PPP6R2: variants seen among roughly 807,000 people sequenced by gnomAD.
PPP6R2 encodes the protein protein phosphatase 6 regulatory subunit 2, also known as serine/threonine-protein phosphatase 6 regulatory subunit 2.
PPP6R2 carries 62 observed loss-of-function variants against 100.2 expected under a neutral mutation model. That is an observed-to-expected ratio of 0.62 (90% CI 0.50 to 0.76). PPP6R2 has a LOEUF of 0.76. Among genes scored for constraint, PPP6R2 ranks in the 30% least tolerant of loss-of-function variants. The pLI, the probability that PPP6R2 is intolerant of heterozygous loss-of-function variation, is 0.00. For synonymous variants in PPP6R2, 525 were observed against 514.7 expected, an observed-to-expected ratio of 1.02 and a Z score of -0.27; for missense variants, 1,142 against 1,276.3, an observed-to-expected ratio of 0.89 and a Z score of 1.60.
chr22:50,417,349 C>A (rs1426216166), intron 6 of PPP6R2, among the ~76,000 whole-genome samples: 1 of 152,122 alleles, frequency 6.6e-6, no homozygotes, highest in Non-Finnish European at 1.5e-5. Flanking sequence ...CCAGCCCACA[C>A]TAAAAGAGAT....
At position 50,351,596 on chromosome 22, in the gene PPP6R2, C is replaced by T. The variant is rs571937037; in HGVS notation, c.-148+8046C>T. ...TCCTAGCTGGATCTTCCAGATCTAG[C>T]GACAACTTCTATATCAGCATTTGCT... On this transcript the variant is annotated intron_variant, in intron 1 of 23. Transcript: ENST00000612753. Among the ~76,000 whole-genome samples the T allele has an allele frequency of 6.8e-4, 104 of 151,998 alleles. 1 individual carries two copies. The South Asian group carries it at 0.018, about 26-fold the overall frequency.
the PPP6R2 span, among the ~76,000 whole-genome samples, chr22:50,335,898 G>A: frequency 1.0e-4 from 15 of 144,218 alleles, no homozygotes; most frequent in South Asian, 2.3e-4. Flanking sequence ...GGCTGGTCTC[G>A]AGCTCCTGAC....
At chr22:50,355,631 C>G (rs1243868881) in intron 1 of PPP6R2, among the ~76,000 whole-genome samples, 1 of 151,408 alleles carries the variant, frequency 6.6e-6, no homozygotes, top group African/African-American at 2.4e-5. Flanking sequence ...CGCCATTCTC[C>G]TGCCTCAGCC....
In PPP6R2 at chr22:50,431,347, G is replaced by A. The variant is rs35376907; in HGVS notation, c.1300G>A (p.Ala434Thr). ...CCGGAGCCTGGAGACTCCCCAGCCG[G>A]CCGCCAGCCTCCCTGACAACACAAT... is the stretch of plus-strand genomic sequence containing the variant. ...GNRSLETPQP[A>T]ASLPDNTMVT... is the part of the protein sequence containing the mutation. Residue 434 changes from alanine (A) to threonine (T), a missense_variant, in exon 11 of 24, where the codon GCC becomes ACC. This residue lies in a region of PPP6R2 where 592 missense variants were observed against 758.9 expected (regional missense o/e 0.78). Transcript: ENST00000612753. The surrounding 1 kb of genome is among the most constrained non-coding windows in gnomAD (Gnocchi z 4.8). The A allele has an allele frequency of 2.5e-6, 4 of 1,612,822 alleles. No individual in the cohort carries two copies. Among genetic ancestry groups the A allele is most frequent in the Non-Finnish European group, 3.4e-6 (4 of 1,179,972 alleles).
At chr22:50,442,113 G>C (rs1341547402) in intron 22 of PPP6R2, among the ~76,000 whole-genome samples, 1 of 152,190 alleles carries the variant, frequency 6.6e-6, no homozygotes, top group Admixed American at 6.5e-5. Context: ...CTGGAGCGGG[G>C]TGAGGGTGTC....
intron 21 of PPP6R2, 36 bp from the exon 22 acceptor site, chr22:50,440,786 T>C (rs1157919507): frequency 1.2e-6 from 2 of 1,606,950 alleles, no homozygotes; most frequent in East Asian, 2.2e-5. Context: ...TGACCCCTCC[T>C]GCCTCACTGG....
intron 5 of PPP6R2, 60 bp from the exon 6 acceptor site, chr22:50,416,032 G>T (rs949638657): frequency 2.0e-6 from 3 of 1,484,784 alleles, no homozygotes; most frequent in Non-Finnish European, 1.9e-6. Context: ...AAGGGGAAAG[G>T]TTCCTGTTGT....
At chr22:50,335,359 A>G in the PPP6R2 span, among the ~76,000 whole-genome samples, 4 of 147,050 alleles carry the variant, frequency 2.7e-5, no homozygotes, top group Non-Finnish European at 6.0e-5. Context: ...CACCGCGCCC[A>G]GCCATAATTT....
intron 3 of PPP6R2, among the ~76,000 whole-genome samples, chr22:50,398,038 T>G (rs1357619310): frequency 1.3e-5 from 2 of 152,098 alleles, no homozygotes; most frequent in Non-Finnish European, 2.9e-5. Context: ...ATCACTTGTA[T>G]AAAAAACATG....
In PPP6R2 at chr22:50,419,386, G is replaced by C. The variant is rs1430375376; in HGVS notation, c.769G>C (p.Asp257His). ...GGAGCAGCTTCTGAAGAACATGTTT[G>C]ATGGAGACCGGACGGAGAGCTGCCT... is the stretch of plus-strand genomic sequence containing the variant. ...CVEQLLKNMF[D>H]GDRTESCLVS... is the part of the protein sequence containing the mutation. Residue 257 changes from aspartate (D) to histidine (H), a missense_variant, in exon 8 of 24, where the codon GAT becomes CAT. Coordinates refer to ENST00000612753, the MANE Select transcript of PPP6R2 (RefSeq NM_001242898.2). 1 of 1,614,072 alleles carries C rather than the reference G, an allele frequency of 6.2e-7. No individual in the cohort carries two copies. The highest frequency in any genetic ancestry group is 1.3e-5 in the African/African-American group (1 of 74,924).
chr22:50,383,762 C>T lies in PPP6R2; in HGVS notation c.-16-10131C>T, dbSNP rs12162833. On this transcript the variant is annotated intron_variant, in intron 2 of 23. Coordinates refer to ENST00000612753, the MANE Select transcript of PPP6R2 (RefSeq NM_001242898.2). Reference sequence around the variant, plus strand: ...TAAAAAGGAAAAGGATGAGGCCAGGCGCAGTGGCTCATGACTGTAATTGCA... The same window carrying T: ...TAAAAAGGAAAAGGATGAGGCCAGGTGCAGTGGCTCATGACTGTAATTGCA... 2.6e-5 allele frequency among the ~76,000 whole-genome samples: 4 copies of T among 152,192 alleles called. No individual in the cohort carries two copies. In the East Asian group the frequency reaches 7.7e-4, roughly 29 times the overall value.
chr22:50,361,809 T>C (rs1348691616), intron 1 of PPP6R2, among the ~76,000 whole-genome samples: 2 of 152,100 alleles, frequency 1.3e-5, no homozygotes, highest in Non-Finnish European at 2.9e-5. Flanking sequence ...TGCGCGTAGG[T>C]GCGGACTAGG....
intron 2 of PPP6R2, chr22:50,393,458 C>T (rs1411035386): frequency 2.0e-6 from 2 of 984,884 alleles, no homozygotes; most frequent in African/African-American, 1.7e-5. Flanking sequence ...GGGAGAGACA[C>T]CTGGGCGCAT....
Position 50,418,947 on chromosome 22 carries a change from G to A in PPP6R2, c.699G>A (p.Leu233=), listed in dbSNP as rs751215259. ...RDQGSQLQEA[L]EPDPLLTALE... is the part of the protein sequence containing the mutation. ...AGGGCAGTCAGCTGCAAGAGGCTCT[G>A]GAGCCAGACCCGCTCCTCACAGCGC... The change falls in exon 7 of 24, where the codon CTG becomes CTA. Residue 233 remains leucine, a synonymous_variant. Transcript: ENST00000612753. The A allele has an allele frequency of 6.2e-7, 1 of 1,613,782 alleles. No individual in the cohort carries two copies. Among genetic ancestry groups the A allele is most frequent in the Non-Finnish European group, 8.5e-7 (1 of 1,179,820 alleles).
chr22:50,355,584 G>A (rs1225538468), intron 1 of PPP6R2, among the ~76,000 whole-genome samples: 6 of 144,996 alleles, frequency 4.1e-5, no homozygotes, highest in African/African-American at 1.6e-4. Context: ...GCAGTGGTGC[G>A]ATCTTGGCTC....
At chr22:50,371,292 G>C (rs545013065) in intron 1 of PPP6R2, among the ~76,000 whole-genome samples, 1 of 152,118 alleles carries the variant, frequency 6.6e-6, no homozygotes, top group African/African-American at 2.4e-5. Context: ...GTAATGTGCT[G>C]TGTGAACTGG....
chr22:50,434,096 G>A (rs1264504435), intron 12 of PPP6R2, among the ~76,000 whole-genome samples: 1 of 55,604 alleles, frequency 1.8e-5, no homozygotes, highest in Non-Finnish European at 3.6e-5. Flanking sequence ...GAGGAGGGCC[G>A]GGGGCATGGA....
chr22:50,432,986 C>T (rs893542774), intron 12 of PPP6R2, among the ~76,000 whole-genome samples: 1 of 152,194 alleles, frequency 6.6e-6, no homozygotes, highest in Non-Finnish European at 1.5e-5. Flanking sequence ...GCCACTGCTG[C>T]CACCAGCGGG....
chr22:50,376,417 T>G (rs1294038636), intron 2 of PPP6R2, among the ~76,000 whole-genome samples: 1 of 152,062 alleles, frequency 6.6e-6, no homozygotes, highest in Non-Finnish European at 1.5e-5. Context: ...ATAAAAAAAG[T>G]GTACTTTTTG....
Sources: gnomAD v4.1 joint callset for allele counts (sites outside exome capture counted in the v4.1 genomes callset) on GRCh38, gnomAD v4.1.1 for gene constraint, gnomAD v4.1.1 regional missense constraint, Gnocchi (gnomAD v3.1) non-coding constraint, MANE v1.5 for transcripts, NCBI Gene and HGNC (gene_info 2026-07-23, HGNC 2026-07-21) for gene names.